Variants in UBE3C observed in about 807,000 individuals in gnomAD.
UBE3C encodes ubiquitin protein ligase E3C.
UBE3C carries 42 observed loss-of-function variants against 129.4 expected under a neutral mutation model. The ratio of observed to expected loss-of-function variants is 0.32; its 90% confidence interval spans 0.25 to 0.42. UBE3C has a LOEUF of 0.42. UBE3C is among the 10% of genes least tolerant of loss of function. UBE3C has a pLI of 1.00. For synonymous variants in UBE3C, 510 were observed against 492.4 expected (o/e 1.04, Z -0.47); for missense variants, 1,049 against 1,319.1 (o/e 0.80, Z 3.17).
chr7:157,181,906 A>G (rs1808675653), intron 7 of UBE3C, among the ~76,000 whole-genome samples: 1 of 152,250 alleles, frequency 6.6e-6, no homozygotes, highest in Non-Finnish European at 1.5e-5. Context: ...GTCAAAAATT[A>G]ACGAAAACAT....
chr7:157,225,361 G>C, intron 16 of UBE3C, 46 bp from the exon 17 acceptor site: 1 of 1,566,412 alleles, frequency 6.4e-7, no homozygotes. Context: ...TAGGTTGTAA[G>C]AGGTCTTTTG....
At chr7:157,204,398 C>CAAAAAAAAAAAAAAAAA (rs35298527) in intron 11 of UBE3C, among the ~76,000 whole-genome samples, 2 of 86,358 alleles carry the variant, frequency 2.3e-5, no homozygotes, top group East Asian at 3.5e-4. Context: ...AACTTTGTTT[C>CAAAAAAAAAAAAAAAAA]AAAAAAAAAA....
intron 10 of UBE3C, among the ~76,000 whole-genome samples, chr7:157,191,070 C>T (rs922019175): frequency 3.9e-5 from 6 of 152,092 alleles, no homozygotes; most frequent in East Asian, 1.9e-4. Context: ...ATAATTTGCC[C>T]GTAGTTTCAT....
intron 1 of UBE3C, among the ~76,000 whole-genome samples, chr7:157,151,134 C>G (rs187081628): frequency 6.6e-6 from 1 of 152,154 alleles, no homozygotes; most frequent in African/African-American, 2.4e-5. Context: ...GCTCCACCCC[C>G]TAAAGGGCAG....
At position 157,169,073 on chromosome 7, in the gene UBE3C, C is replaced by A; in HGVS notation, c.146C>A (p.Ala49Glu). 1 of 1,613,580 alleles carries A rather than the reference C, an allele frequency of 6.2e-7. No homozygotes were observed. Reference sequence around the variant, plus strand: ...GAAGAAAGGCGAAGGTTGAAAAATGCAATAATTATCCAGTCATTTATTCGA... The same window carrying A: ...GAAGAAAGGCGAAGGTTGAAAAATGAAATAATTATCCAGTCATTTATTCGA... Reference protein sequence around the residue: ...REEERRRLKNAIIIQSFIRGY... With the variant: ...REEERRRLKNEIIIQSFIRGY... The change falls in exon 3 of 23, where the codon GCA (alanine) becomes GAA (glutamate). Residue 49 changes from alanine (A) to glutamate (E), a missense_variant. This residue lies in a region of UBE3C where 489 missense variants were observed against 513.8 expected (regional missense o/e 0.95). Coordinates refer to ENST00000348165, the MANE Select transcript of UBE3C (RefSeq NM_014671.3).
At chr7:157,211,507 T>C (rs1023159047) in intron 13 of UBE3C, among the ~76,000 whole-genome samples, 2 of 152,214 alleles carry the variant, frequency 1.3e-5, no homozygotes, top group African/African-American at 4.8e-5. Flanking sequence ...CTCCAGTTTT[T>C]AACCCGTTTG....
chr7:157,179,803 A>G (rs1808621549), intron 6 of UBE3C, among the ~76,000 whole-genome samples: 1 of 152,194 alleles, frequency 6.6e-6, no homozygotes, highest in South Asian at 2.1e-4. Flanking sequence ...AACTACAGAA[A>G]TTAAACGCAT....
At chr7:157,165,739 G>A (rs1808195986) in intron 2 of UBE3C, among the ~76,000 whole-genome samples, 1 of 152,026 alleles carries the variant, frequency 6.6e-6, no homozygotes, top group Non-Finnish European at 1.5e-5. Context: ...TTCAGTTTTT[G>A]TTATTTCAGT....
intron 18 of UBE3C, among the ~76,000 whole-genome samples, chr7:157,240,154 A>T (rs1202055811): frequency 6.6e-6 from 1 of 152,064 alleles, no homozygotes; most frequent in Non-Finnish European, 1.5e-5. Context: ...CTCCTGGTTC[A>T]AGCAATTCTC....
chr7:157,242,051 A>G (rs1241958303), intron 18 of UBE3C, among the ~76,000 whole-genome samples: 1 of 152,226 alleles, frequency 6.6e-6, no homozygotes, highest in East Asian at 1.9e-4. Context: ...AGAATAATGA[A>G]AATCTTCAGA....
At chr7:157,182,073 T>C in intron 7 of UBE3C, 35 bp from the exon 8 acceptor site, 3 of 1,520,906 alleles carry the variant, frequency 2.0e-6, no homozygotes, top group Non-Finnish European at 2.6e-6. Context: ...CAGTATAATT[T>C]GATTTTATAA....
At chr7:157,237,190 C>T (rs953986298) in intron 18 of UBE3C, among the ~76,000 whole-genome samples, 4 of 152,008 alleles carry the variant, frequency 2.6e-5, no homozygotes, top group Non-Finnish European at 4.4e-5. Context: ...GCCTGTAATC[C>T]CAACACTTTG....
chr7:157,171,711 T>A (rs1266648009), intron 4 of UBE3C, among the ~76,000 whole-genome samples: 4,144 of 66,172 alleles, frequency 0.063, 275 homozygotes, highest in Non-Finnish European at 0.081. Flanking sequence ...TTTTTTTTTT[T>A]TTTTTTTTTT....
chr7:157,234,528 A>G (rs1796105248), intron 18 of UBE3C, among the ~76,000 whole-genome samples: 2 of 152,232 alleles, frequency 1.3e-5, no homozygotes, highest in South Asian at 4.1e-4. Context: ...CTTGTTAAGC[A>G]GGGATAATGG....
At chr7:157,143,270 T>C (rs1438023299) in intron 1 of UBE3C, among the ~76,000 whole-genome samples, 1 of 152,116 alleles carries the variant, frequency 6.6e-6, no homozygotes, top group East Asian at 1.9e-4. Flanking sequence ...ATGTTTTTCT[T>C]GGTAGTGTAT....
In UBE3C at chr7:157,144,700, T is replaced by A. The variant is rs181422673; in HGVS notation, c.66+5362T>A. Among the ~76,000 whole-genome samples the A allele has an allele frequency of 6.7e-3, 1,000 of 149,284 alleles. 3 individuals carry two copies. The highest frequency in any genetic ancestry group is 0.012 in the Non-Finnish European group (803 of 67,148). ...GTCCAGTGCTTTTTTTAAAAAAAAA[T>A]AGACTTTATTTTTTAGAGCAGTTTC... On this transcript the variant is annotated intron_variant, in intron 1 of 22. Transcript: ENST00000348165.
intron 14 of UBE3C, among the ~76,000 whole-genome samples, chr7:157,217,768 CAG>C (rs1020833099): frequency 3.4e-4 from 51 of 152,196 alleles, no homozygotes; most frequent in African/African-American, 1.0e-3. Context: ...ACCTGGGAGA[CAG>C]AGGTTGCAGT....
intron 1 of UBE3C, among the ~76,000 whole-genome samples, chr7:157,144,376 C>A (rs1038141159): frequency 6.6e-6 from 1 of 152,074 alleles, no homozygotes; most frequent in Non-Finnish European, 1.5e-5. Context: ...GAGGGAAATT[C>A]GGTGTCTCGG....
intron 10 of UBE3C, among the ~76,000 whole-genome samples, chr7:157,189,796 G>C (rs1808905838): frequency 6.8e-6 from 1 of 147,216 alleles, no homozygotes; most frequent in Non-Finnish European, 1.5e-5. Flanking sequence ...TTTGTATTCA[G>C]TTTTTTAGGG....
Sources: allele counts gnomAD v4.1 joint callset (sites outside exome capture counted in the v4.1 genomes callset), GRCh38; gene constraint gnomAD v4.1.1; regional missense constraint gnomAD v4.1.1; transcripts MANE v1.5; gene names NCBI Gene and HGNC (gene_info 2026-07-23, HGNC 2026-07-21).